TACR3: variants seen among roughly 807,000 people sequenced by gnomAD.
The protein encoded by TACR3 is neuromedin-K receptor.
TACR3 carries 34 observed loss-of-function variants against 35.0 expected under a neutral mutation model. The ratio of observed to expected loss-of-function variants is 0.97; its 90% CI spans 0.74 to 1.30. TACR3 has a LOEUF of 1.30. TACR3 is among the 50% of genes most tolerant of loss of function. The pLI is 0.00. For missense variants in TACR3, 558 were observed against 591.7 expected (o/e 0.94, Z 0.59); for synonymous variants, 233 against 221.1 (o/e 1.05, Z -0.48).
At chr4:103,689,380 C>A (rs1010363150) in intron 1 of TACR3, among the ~76,000 whole-genome samples, 38 of 151,586 alleles carry the variant, frequency 2.5e-4, no homozygotes, top group Non-Finnish European at 5.3e-4. Context: ...TGCACATGTA[C>A]CCTAAAACTT....
chr4:103,684,991 A>T (rs1447180538), intron 1 of TACR3, among the ~76,000 whole-genome samples: 1 of 90,174 alleles, frequency 1.1e-5, no homozygotes, highest in African/African-American at 8.1e-5. Context: ...TCAAAATTAA[A>T]TAAATAAATA....
intron 3 of TACR3, among the ~76,000 whole-genome samples, chr4:103,598,707 G>A (rs1264794803): frequency 6.6e-6 from 1 of 152,120 alleles, no homozygotes; most frequent in African/African-American, 2.4e-5. Context: ...TGATTAAATA[G>A]GGAATCCTTT....
chr4:103,691,357 A>G (rs150652040), intron 1 of TACR3, among the ~76,000 whole-genome samples: 48 of 152,298 alleles, frequency 3.2e-4, no homozygotes, highest in Admixed American at 9.2e-4. Context: ...TAAAGGTTAC[A>G]TGTTGAATAA....
At chr4:103,632,063 T>C (rs911059526) in intron 3 of TACR3, among the ~76,000 whole-genome samples, 2 of 152,152 alleles carry the variant, frequency 1.3e-5, no homozygotes, top group Non-Finnish European at 2.9e-5. Flanking sequence ...AAGTGAATAC[T>C]CCAAATATTC....
intron 3 of TACR3, among the ~76,000 whole-genome samples, chr4:103,615,113 G>T (rs1290408851): frequency 6.6e-6 from 1 of 151,690 alleles, no homozygotes; most frequent in Non-Finnish European, 1.5e-5. Flanking sequence ...AGCCAGGATG[G>T]TCTCGATCTC....
chr4:103,660,148 A>G (rs931132278), intron 1 of TACR3, among the ~76,000 whole-genome samples: 1 of 152,096 alleles, frequency 6.6e-6, no homozygotes, highest in Non-Finnish European at 1.5e-5. Context: ...AAATTTTCAG[A>G]AGATATTGTG....
intron 3 of TACR3, among the ~76,000 whole-genome samples, chr4:103,619,572 A>C (rs1724732937): frequency 6.6e-6 from 1 of 152,128 alleles, no homozygotes; most frequent in South Asian, 2.1e-4. Context: ...AGGAGTGGTG[A>C]GAGTCGGCAT....
chr4:103,589,088 A>G lies in TACR3; in HGVS notation c.*594T>C, dbSNP rs1647060562. The G allele has an allele frequency of 6.6e-6, 1 of 152,180 alleles. No homozygotes were observed. Among genetic ancestry groups the G allele is most frequent in the South Asian group, 2.1e-4 (1 of 4,836 alleles). The allele number at this position is 152,180 out of a possible 1,614,324, so 9.4% of individuals were successfully genotyped here. A position where few individuals can be genotyped will look rare whatever the true frequency, so the allele number is the denominator to read the frequency against. ...TTTAACTAGATTTCCTTTTCAGTTA[A>G]ATGCCATGGAAGAAATCTTTAAATC... On this transcript the variant is annotated 3_prime_UTR_variant, in exon 5 of 5. Transcript: ENST00000304883.
At chr4:103,599,836 G>A (rs561343958) in intron 3 of TACR3, among the ~76,000 whole-genome samples, 3 of 152,122 alleles carry the variant, frequency 2.0e-5, no homozygotes, top group African/African-American at 7.2e-5. Context: ...ACTTTTTGAT[G>A]TGCTGCTGGA....
chr4:103,606,631 T>A (rs1211856231), intron 3 of TACR3, among the ~76,000 whole-genome samples: 1 of 152,074 alleles, frequency 6.6e-6, no homozygotes, highest in South Asian at 2.1e-4. Context: ...CTGTCTGTTG[T>A]TGGTGTATAA....
chr4:103,599,397 C>G (rs1274476004), intron 3 of TACR3, among the ~76,000 whole-genome samples: 5 of 152,198 alleles, frequency 3.3e-5, no homozygotes, highest in Admixed American at 3.3e-4. Context: ...ATGTCATCTG[C>G]AAACAGAGAC....
At chr4:103,624,844 G>A (rs955469265) in intron 3 of TACR3, among the ~76,000 whole-genome samples, 1 of 152,142 alleles carries the variant, frequency 6.6e-6, no homozygotes. Context: ...TAGGTATTTG[G>A]AAGTTTGGAA....
chr4:103,615,962 C>T (rs979666910), intron 3 of TACR3, among the ~76,000 whole-genome samples: 2 of 152,130 alleles, frequency 1.3e-5, no homozygotes, highest in Non-Finnish European at 2.9e-5. Context: ...AGAGTAATAT[C>T]CTCTGCTTTG....
At chr4:103,633,824 G>A (rs1245314952) in intron 3 of TACR3, among the ~76,000 whole-genome samples, 1 of 151,962 alleles carries the variant, frequency 6.6e-6, no homozygotes, top group Non-Finnish European at 1.5e-5. Flanking sequence ...TCCTCCATAG[G>A]TTTGTTGCAT....
At chr4:103,670,511 A>G (rs2110336297) in intron 1 of TACR3, among the ~76,000 whole-genome samples, 1 of 151,974 alleles carries the variant, frequency 6.6e-6, no homozygotes, top group African/African-American at 2.4e-5. Context: ...TTCTTTCATC[A>G]ATATAGAGAT....
chr4:103,699,978 C>A (rs995374218), intron 1 of TACR3, among the ~76,000 whole-genome samples: 1 of 152,080 alleles, frequency 6.6e-6, no homozygotes, highest in African/African-American at 2.4e-5. Flanking sequence ...GAATTACGAG[C>A]CATATCTACT....
chr4:103,676,536 C>T (rs2110206328), intron 1 of TACR3, among the ~76,000 whole-genome samples: 1 of 152,180 alleles, frequency 6.6e-6, no homozygotes, highest in South Asian at 2.1e-4. Flanking sequence ...AGTGGTTCTT[C>T]AGAATAAAGA....
chr4:103,716,358 G>A (rs778531500), intron 1 of TACR3, among the ~76,000 whole-genome samples: 1 of 151,840 alleles, frequency 6.6e-6, no homozygotes, highest in Admixed American at 6.6e-5. Context: ...TGGCAAATTA[G>A]AAAACAGTTT....
intron 1 of TACR3, among the ~76,000 whole-genome samples, chr4:103,673,702 C>T (rs1422496532): frequency 1.3e-5 from 2 of 152,060 alleles, no homozygotes; most frequent in African/African-American, 2.4e-5. Flanking sequence ...TAGTTTTGCT[C>T]GATGCAGGAT....
Sources: allele counts gnomAD v4.1 joint callset (sites outside exome capture counted in the v4.1 genomes callset), GRCh38; gene constraint gnomAD v4.1.1; transcripts MANE v1.5; gene names NCBI Gene and HGNC (gene_info 2026-07-23, HGNC 2026-07-21).